Variants in CDC14B observed in about 807,000 individuals in gnomAD.
The protein encoded by CDC14B is cell division cycle 14B, also known as dual specificity protein phosphatase CDC14B.
In CDC14B, 22 loss-of-function variants were observed where a neutral mutation model predicts 64.2. That is an observed-to-expected ratio of 0.34 (90% CI 0.24 to 0.49). CDC14B has a LOEUF of 0.49. Among genes scored for constraint, CDC14B ranks in the 20% least tolerant of loss-of-function variants. The probability of loss-of-function intolerance (pLI) is 0.99; values close to 1 mark genes in which losing one functional copy is unlikely to be tolerated. For synonymous variants in CDC14B, 191 were observed against 215.8 expected (o/e 0.89, Z 1.01); for missense variants, 498 against 629.9 (o/e 0.79, Z 2.24).
At position 96,502,466 on chromosome 9, in the gene CDC14B, A is replaced by AC. The variant is rs1833634650; in HGVS notation, c.*1286dup. 1 of 168,898 alleles carries AC rather than the reference A, an allele frequency of 5.9e-6. No individual in the cohort carries two copies. Among genetic ancestry groups the AC allele is most frequent in the African/African-American group, 2.4e-5 (1 of 42,242 alleles). 10.5% of individuals were successfully genotyped at this position (168,898 alleles called of 1,614,324 possible). On this transcript the variant is annotated 3_prime_UTR_variant, in exon 14 of 14. Transcript: ENST00000375241. The stretch of plus-strand genomic sequence containing the variant: ...TGGCTTAGGAGGGCATTTGTTTCCC[A>AC]CTGCCTGTCGACATCTCAGCCCTCC...
At chr9:96,614,023 T>C (rs1847476796) in intron 1 of CDC14B, among the ~76,000 whole-genome samples, 1 of 152,168 alleles carries the variant, frequency 6.6e-6, no homozygotes, top group Non-Finnish European at 1.5e-5. Flanking sequence ...TATATCACCA[T>C]TAATTAGTGC....
intron 13 of CDC14B, among the ~76,000 whole-genome samples, chr9:96,507,020 G>A (rs1834224098): frequency 6.6e-6 from 1 of 152,218 alleles, no homozygotes; most frequent in Non-Finnish European, 1.5e-5. Context: ...GCGGCCGGGC[G>A]CCGTGGCTCA....
chr9:96,500,580 T>C lies in CDC14B; in HGVS notation c.*3173A>G, dbSNP rs1324753701. The C allele has an allele frequency of 2.0e-5, 3 of 152,582 alleles. No individual in the cohort carries two copies. Among genetic ancestry groups the C allele is most frequent in the African/African-American group, 7.2e-5 (3 of 41,430 alleles). 9.5% of individuals were successfully genotyped at this position (152,582 alleles called of 1,614,324 possible). ...CAGTCTTTAAACACATCTGGAGTCA[T>C]CTCCACTGAGTGACATGGAGAATAA... On this transcript the variant is annotated 3_prime_UTR_variant, in exon 14 of 14. Coordinates refer to ENST00000375241, the MANE Select transcript of CDC14B (RefSeq NM_033331.4).
intron 1 of CDC14B, among the ~76,000 whole-genome samples, chr9:96,583,762 A>C (rs971145459): frequency 1.3e-5 from 2 of 151,790 alleles, no homozygotes; most frequent in Non-Finnish European, 2.9e-5. Context: ...TCTGTCGCCC[A>C]GGCTGGAGTG....
At chr9:96,497,241 G>C (rs1564177307), downstream of CDC14B, among the ~76,000 whole-genome samples, 1 of 152,202 alleles carries the variant, frequency 6.6e-6, no homozygotes, top group South Asian at 2.1e-4. Context: ...CCAGAAGCGT[G>C]TCAAAGCCAT....
At chr9:96,565,223 G>T (rs1193347741) in intron 2 of CDC14B, among the ~76,000 whole-genome samples, 170 bp downstream of exon 2, 12 of 141,494 alleles carry the variant, frequency 8.5e-5, no homozygotes, top group Admixed American at 2.1e-4. Context: ...ATTTAGGGAG[G>T]TTTTTTTTTT....
intron 4 of CDC14B, among the ~76,000 whole-genome samples, chr9:96,559,088 G>C (rs1160114296): frequency 1.3e-5 from 2 of 152,108 alleles, no homozygotes; most frequent in African/African-American, 2.4e-5. Flanking sequence ...GACCAATTGT[G>C]GGCATGTCAA....
chr9:96,589,575 T>A (rs1208228639), intron 1 of CDC14B, among the ~76,000 whole-genome samples: 1 of 152,186 alleles, frequency 6.6e-6, no homozygotes, highest in East Asian at 1.9e-4. Context: ...TTCAGGAGCC[T>A]AATGTAATTT....
At chr9:96,518,778 C>G (rs1188988203) in intron 12 of CDC14B, among the ~76,000 whole-genome samples, 1 of 152,144 alleles carries the variant, frequency 6.6e-6, no homozygotes, top group Non-Finnish European at 1.5e-5. Flanking sequence ...GGCAGAATGG[C>G]CCGAATGTCC....
intron 1 of CDC14B, among the ~76,000 whole-genome samples, chr9:96,581,268 G>A (rs747520131): frequency 4.1e-4 from 62 of 151,176 alleles, no homozygotes; most frequent in African/African-American, 9.7e-5. Context: ...TGTATCCAAT[G>A]AAGCACAAAG....
Position 96,501,269 on chromosome 9 carries a change from C to T in CDC14B, c.*2484G>A, listed in dbSNP as rs1443671747. ...CAAGAGCACCTAAAAATATTCACTT[C>T]CAATTTTAATTCCATCGCAAACCGT... On this transcript the variant is annotated 3_prime_UTR_variant, in exon 14 of 14. Transcript: ENST00000375241. 1 of 152,248 alleles carries T rather than the reference C, an allele frequency of 6.6e-6. No individual in the cohort carries two copies. The highest frequency in any genetic ancestry group is 1.5e-5 in the Non-Finnish European group (1 of 68,052). The allele number at this position is 152,248 out of a possible 1,614,324, so 9.4% of individuals were successfully genotyped here. A position where few individuals can be genotyped will look rare whatever the true frequency, so the allele number is the denominator to read the frequency against.
At chr9:96,518,935 G>C (rs1313675481) in intron 12 of CDC14B, among the ~76,000 whole-genome samples, 1 of 152,052 alleles carries the variant, frequency 6.6e-6, no homozygotes, top group Admixed American at 6.5e-5. Context: ...AGGAGATCGA[G>C]ACCATCCTGG....
At chr9:96,580,182 A>G (rs1845059314) in intron 1 of CDC14B, among the ~76,000 whole-genome samples, 1 of 152,096 alleles carries the variant, frequency 6.6e-6, no homozygotes, top group Admixed American at 6.6e-5. Flanking sequence ...TTGGAAAAAA[A>G]TTAAAATACT....
At chr9:96,544,911 T>C (rs1840591746) in intron 5 of CDC14B, among the ~76,000 whole-genome samples, 1 of 152,124 alleles carries the variant, frequency 6.6e-6, no homozygotes. Context: ...TTACCAACAC[T>C]TTATTGGCAA....
Position 96,502,947 on chromosome 9 carries a change from G to T in CDC14B, c.*806C>A, listed in dbSNP as rs1432511236. ...TTCTTCCATTCATGGAAGGAAATAT[G>T]ATTTTAATTTGTATGACTGGCAACC... On this transcript the variant is annotated 3_prime_UTR_variant, in exon 14 of 14. Coordinates refer to ENST00000375241, the MANE Select transcript of CDC14B (RefSeq NM_033331.4). 1.3e-5 allele frequency: 5 copies of T among 398,016 alleles called. No homozygotes were observed. Among genetic ancestry groups the T allele is most frequent in the Non-Finnish European group, 2.2e-5 (5 of 225,836 alleles). The allele number at this position is 398,016 out of a possible 1,614,324, so 24.7% of individuals were successfully genotyped here. A position where few individuals can be genotyped will look rare whatever the true frequency, so the allele number is the denominator to read the frequency against.
At chr9:96,607,642 C>G (rs1181040290) in intron 1 of CDC14B, among the ~76,000 whole-genome samples, 1 of 151,998 alleles carries the variant, frequency 6.6e-6, no homozygotes, top group Non-Finnish European at 1.5e-5. Context: ...CCAGGATGGT[C>G]TCGATCTCCT....
At chr9:96,567,055 G>T (rs1188480060) in intron 1 of CDC14B, 2 of 1,088,756 alleles carry the variant, frequency 1.8e-6, no homozygotes, top group Non-Finnish European at 2.5e-6. Context: ...ACAGCACCCC[G>T]CCCCACCTCC....
At chr9:96,569,122 A>G (rs1844325511) in intron 1 of CDC14B, among the ~76,000 whole-genome samples, 1 of 152,154 alleles carries the variant, frequency 6.6e-6, no homozygotes, top group Non-Finnish European at 1.5e-5. Flanking sequence ...AATAAGAGAG[A>G]TTTATGCCTT....
chr9:96,507,665 C>T (rs977030612), intron 13 of CDC14B, among the ~76,000 whole-genome samples: 5 of 152,116 alleles, frequency 3.3e-5, no homozygotes, highest in Admixed American at 1.3e-4. Flanking sequence ...CTACCTGCCT[C>T]GGCCTCCCAA....
Sources: gnomAD v4.1 joint callset for allele counts (sites outside exome capture counted in the v4.1 genomes callset) on GRCh38, gnomAD v4.1.1 for gene constraint, MANE v1.5 for transcripts, NCBI Gene and HGNC (gene_info 2026-07-23, HGNC 2026-07-21) for gene names.